The following DOCK10 variants were observed in gnomAD, a reference collection of about 807,000 sequenced individuals.
DOCK10 encodes the protein dedicator of cytokinesis 10.
In DOCK10, 145 loss-of-function variants were observed where a neutral mutation model predicts 280.1. The ratio of observed to expected loss-of-function variants is 0.52; its 90% CI spans 0.45 to 0.59. The LOEUF (loss-of-function observed/expected upper bound fraction) is 0.59, where lower values mean the gene tolerates loss of function less well. Ranked by LOEUF, DOCK10 falls within the 20% of genes least tolerant of loss-of-function variation. The pLI, the probability that DOCK10 is intolerant of heterozygous loss-of-function variation, is 0.00. For synonymous variants in DOCK10, 915 were observed against 942.2 expected (o/e 0.97, Z 0.53); for missense variants, 2,368 against 2,651.7 (o/e 0.89, Z 2.35).
intron 1 of DOCK10, among the ~76,000 whole-genome samples, chr2:225,035,570 A>ATATATATATATATATAT (rs1690224447): frequency 1.7e-5 from 1 of 58,234 alleles, no homozygotes; most frequent in Non-Finnish European, 4.1e-5. Context: ...ATATATATAT[A>ATATATATATATATATAT]TATATATATA....
At chr2:224,911,300 A>G (rs955762514) in intron 3 of DOCK10, among the ~76,000 whole-genome samples, 1 of 152,328 alleles carries the variant, frequency 6.6e-6, no homozygotes, top group Admixed American at 6.5e-5. Flanking sequence ...ACTTGTCCTC[A>G]GCTGAAGGTG....
intron 3 of DOCK10, among the ~76,000 whole-genome samples, chr2:224,903,603 T>TGGTA (rs1203179898): frequency 1.3e-5 from 2 of 152,222 alleles, no homozygotes; most frequent in Non-Finnish European, 1.5e-5. Context: ...GAATGATGGA[T>TGGTA]GGTACTAAAA....
intron 3 of DOCK10, among the ~76,000 whole-genome samples, chr2:224,909,641 C>T (rs1700887629): frequency 6.6e-6 from 1 of 152,072 alleles, no homozygotes; most frequent in Non-Finnish European, 1.5e-5. Flanking sequence ...TTAATTCTGG[C>T]TCTGTGTGAA....
At chr2:224,851,455 TTTTA>T (rs1175604839) in intron 18 of DOCK10, among the ~76,000 whole-genome samples, 4 of 143,232 alleles carry the variant, frequency 2.8e-5, no homozygotes, top group Non-Finnish European at 4.5e-5. Flanking sequence ...TTCTTTTTTT[TTTTA>T]AAAAAAAAAA....
chr2:224,850,918 T>C (rs1696687403), intron 18 of DOCK10, among the ~76,000 whole-genome samples: 1 of 152,184 alleles, frequency 6.6e-6, no homozygotes, highest in African/African-American at 2.4e-5. Flanking sequence ...CTTTATAAAT[T>C]ACCCAGTCTC....
intron 13 of DOCK10, 113 bp downstream of exon 13, chr2:224,864,440 A>G (rs1697731262): frequency 9.7e-7 from 1 of 1,027,808 alleles, no homozygotes. Flanking sequence ...AACCCAGGAG[A>G]CAGAGGTTGC....
chr2:224,982,144 A>C (rs1705781882), intron 1 of DOCK10: 1 of 1,196,852 alleles, frequency 8.4e-7, no homozygotes, highest in Admixed American at 4.2e-5. Context: ...AAAACCCCTA[A>C]ATTGTAACCT....
intron 31 of DOCK10, among the ~76,000 whole-genome samples, chr2:224,810,635 TC>T (rs1233718382): frequency 2.9e-5 from 2 of 67,960 alleles, no homozygotes; most frequent in African/African-American, 1.2e-4. Flanking sequence ...CCCTCCCCCC[TC>T]CCCCCACCCC....
intron 1 of DOCK10, among the ~76,000 whole-genome samples, chr2:224,999,238 CTG>C (rs1490251406): frequency 3.5e-5 from 5 of 141,946 alleles, no homozygotes; most frequent in African/African-American, 1.5e-4. Context: ...CTCTCTTTCT[CTG>C]TCTCTCTCTC....
At chr2:224,878,229 T>A (rs1698760586) in intron 7 of DOCK10, among the ~76,000 whole-genome samples, 1 of 152,194 alleles carries the variant, frequency 6.6e-6, no homozygotes, top group African/African-American at 2.4e-5. Flanking sequence ...AGATTACTAG[T>A]GCAAACACAA....
chr2:224,934,016 A>G lies in DOCK10; in HGVS notation c.124-2348T>C, dbSNP rs527995569. On this transcript the variant is annotated intron_variant, in intron 1 of 55. Transcript: ENST00000258390. ...TAAATTAGTACAATAGGCAAATCAG[A>G]GCTCCCAAGTCACAAGTTATTAATA... Among the ~76,000 whole-genome samples the G allele has an allele frequency of 1.1e-4, 17 of 152,290 alleles. 1 individual carries two copies. The South Asian group carries it at 3.5e-3, about 32-fold the overall frequency.
Position 224,787,274 on chromosome 2 carries a change from C to T in DOCK10, c.5541+1G>A, listed in dbSNP as rs769247564. The T allele has an allele frequency of 6.2e-7, 1 of 1,613,960 alleles. No homozygotes were observed. Among genetic ancestry groups the T allele is most frequent in the South Asian group, 1.1e-5 (1 of 91,082 alleles). On this transcript the variant is annotated splice_donor_variant, in intron 49 of 55. Coordinates refer to ENST00000258390, the MANE Select transcript of DOCK10 (RefSeq NM_014689.3). LOFTEE classifies it high-confidence loss of function. The stretch of plus-strand genomic sequence containing the variant: ...AACTTCTAGGGGGTTGGAATACATA[C>T]TTTGAAGTCTCGTTGTTTCTCAAAG...
chr2:224,826,178 C>G (rs1036340939), intron 27 of DOCK10, among the ~76,000 whole-genome samples: 3 of 152,188 alleles, frequency 2.0e-5, no homozygotes, highest in Non-Finnish European at 4.4e-5. Context: ...ATTCTCGTGC[C>G]TCAGCCTCCT....
chr2:224,877,083 G>A (rs959878563), intron 7 of DOCK10, among the ~76,000 whole-genome samples: 2 of 152,104 alleles, frequency 1.3e-5, no homozygotes, highest in African/African-American at 4.8e-5. Context: ...AGACAGGCTG[G>A]CCCCCTCCAC....
intron 44 of DOCK10, among the ~76,000 whole-genome samples, chr2:224,796,002 T>TTA (rs1692543332): frequency 6.6e-6 from 1 of 150,856 alleles, no homozygotes; most frequent in Non-Finnish European, 1.5e-5. Context: ...ATAGTTTACT[T>TTA]TGAGGAGTGC....
At chr2:224,984,643 C>T (rs1204994939) in intron 1 of DOCK10, among the ~76,000 whole-genome samples, 3 of 151,986 alleles carry the variant, frequency 2.0e-5, no homozygotes, top group South Asian at 2.1e-4. Context: ...AAAGATGAAA[C>T]GCAGGAAAGA....
At chr2:224,953,984 C>T (rs1257393684) in intron 1 of DOCK10, among the ~76,000 whole-genome samples, 2 of 151,896 alleles carry the variant, frequency 1.3e-5, no homozygotes, top group South Asian at 2.1e-4. Context: ...AGATGTTGTG[C>T]ATTTGCTGTG....
intron 1 of DOCK10, among the ~76,000 whole-genome samples, chr2:224,953,622 CA>C (rs1703881811): frequency 6.6e-6 from 1 of 152,168 alleles, no homozygotes; most frequent in Non-Finnish European, 1.5e-5. Context: ...TTTAAATGAA[CA>C]CGACAAAACC....
intron 23 of DOCK10, 35 bp downstream of exon 23, chr2:224,841,769 T>G (rs917673666): frequency 5.6e-6 from 8 of 1,423,490 alleles, no homozygotes; most frequent in Admixed American, 1.7e-5. Flanking sequence ...ATTTTTACCC[T>G]GGAGATCACT....
Sources: gnomAD v4.1 joint callset for allele counts (sites outside exome capture counted in the v4.1 genomes callset) on GRCh38, gnomAD v4.1.1 for gene constraint, MANE v1.5 for transcripts, NCBI Gene and HGNC (gene_info 2026-07-23, HGNC 2026-07-21) for gene names.